The following LEO1 variants were observed in gnomAD, a reference collection of about 807,000 sequenced individuals.
LEO1 encodes the protein RNA polymerase-associated protein LEO1.
A neutral mutation model predicts 80.4 loss-of-function variants in LEO1; 34 were observed. The observed-to-expected ratio is 0.42, with a 90% confidence interval of 0.32 to 0.56. LEO1 has a LOEUF of 0.56. Ranked by LOEUF, LEO1 falls within the 20% of genes least tolerant of loss-of-function variation. The probability of loss-of-function intolerance (pLI) is 0.10; values close to 1 mark genes in which losing one functional copy is unlikely to be tolerated. For missense variants in LEO1, 631 were observed against 814.2 expected (o/e 0.77, Z 2.74); for synonymous variants, 262 against 274.9 (o/e 0.95, Z 0.46).
At chr15:51,969,554 G>T (rs918554596) in intron 1 of LEO1, among the ~76,000 whole-genome samples, 2 of 151,092 alleles carry the variant, frequency 1.3e-5, no homozygotes, top group Non-Finnish European at 2.9e-5. Context: ...AGAATCACTT[G>T]AACCCAGGAG....
At chr15:51,966,833 C>G (rs187791547) in intron 1 of LEO1, among the ~76,000 whole-genome samples, 192 of 151,926 alleles carry the variant, frequency 1.3e-3, no homozygotes, top group African/African-American at 4.3e-3. Context: ...ATCACTTGAA[C>G]CCGGGAGGCA....
intron 6 of LEO1, among the ~76,000 whole-genome samples, chr15:51,957,713 T>C (rs2057000232): frequency 6.6e-6 from 1 of 152,132 alleles, no homozygotes; most frequent in South Asian, 2.1e-4. Flanking sequence ...AGACTATCCC[T>C]TTCTAACAAT....
Position 51,971,636 on chromosome 15 carries a change from C to A in LEO1, c.58+52G>T. 3.1e-6 allele frequency: 5 copies of A among 1,587,548 alleles called. No individual in the cohort carries two copies. The South Asian group carries it at 5.5e-5, about 18-fold the overall frequency. ...TGGAGCCTCCACGGTTGTCCGGCTC[C>A]CACAGCGGAAGGCCTGCCACGCACC... is the stretch of plus-strand genomic sequence containing the variant. On this transcript the variant is annotated intron_variant, in intron 1 of 11. Transcript: ENST00000299601.
At position 51,960,189 on chromosome 15, in the gene LEO1, C is replaced by T. The variant is rs1055599500; in HGVS notation, c.1015-145G>A. The T allele has an allele frequency of 3.9e-5, 23 of 582,372 alleles. No individual in the cohort carries two copies. The African/African-American group carries it at 4.0e-4, about 10-fold the overall frequency. The allele number at this position is 582,372 out of a possible 1,614,324, so 36.1% of individuals were successfully genotyped here. On this transcript the variant is annotated intron_variant, in intron 4 of 11. Coordinates refer to ENST00000299601, the MANE Select transcript of LEO1 (RefSeq NM_138792.4). ...AGAAGTCCCCAGTCCCCATCCCAAC[C>T]CACCTACACACAAAATGGGAAACGA...
chr15:51,965,853 A>C lies in LEO1; in HGVS notation c.710T>G (p.Leu237Arg), dbSNP rs2057070492. 4 of 1,613,940 alleles carry C rather than the reference A, an allele frequency of 2.5e-6. No individual in the cohort carries two copies. The highest frequency in any genetic ancestry group is 3.4e-6 in the Non-Finnish European group (4 of 1,180,002). Residue 237 changes from leucine (L) to arginine (R), a missense_variant, in exon 2 of 12, where the codon CTG (leucine) becomes CGG (arginine). By Grantham distance (102) the Leu-to-Arg change is moderately radical. This residue lies in a region of LEO1 where 394 missense variants were observed against 395.6 expected (regional missense o/e 1.00). Coordinates refer to ENST00000299601, the MANE Select transcript of LEO1 (RefSeq NM_138792.4). The part of the protein sequence containing the change: ...QNSDDEEQPQ[L>R]SDEEKMQNSD... ...ATTTTGCATTTTCTCTTCATCAGAC[A>C]GCTGTGGTTGTTCTTCATCATCAGA... is the stretch of plus-strand genomic sequence containing the variant.
rs116808659 is a variant in LEO1, at chr15:51,962,485, T to C, written c.823A>G (p.Arg275Gly). ...EEQDHKSESA[R>G]GSDSEDEVLR... ...ACTTCATCTTCACTATCACTGCCTC[T>C]TGCAGATTCTATAAGGGTAGAATTA... Residue 275 changes from arginine (R) to glycine (G), a missense_variant, in exon 3 of 12, where the codon AGA becomes GGA. Physicochemically the swap from Arg to Gly is moderately radical, Grantham distance 125. This residue lies in a region of LEO1 where 394 missense variants were observed against 395.6 expected (regional missense o/e 1.00). Transcript: ENST00000299601. 3.1e-3 allele frequency: 5,017 copies of C among 1,608,100 alleles called. 53 individuals carry two copies. Among genetic ancestry groups the C allele is most frequent in the East Asian group, 0.026 (1,152 of 44,828 alleles).
intron 1 of LEO1, among the ~76,000 whole-genome samples, chr15:51,967,377 A>G (rs2470607): frequency 0.45 from 68,162 of 152,064 alleles, 15,463 homozygotes; most frequent in Admixed American, 0.53. Context: ...AGAGGCTGAA[A>G]CAGGAAAATC....
intron 9 of LEO1, among the ~76,000 whole-genome samples, chr15:51,950,663 T>G (rs1420214102): frequency 6.6e-6 from 1 of 152,260 alleles, no homozygotes; most frequent in Non-Finnish European, 1.5e-5. Context: ...CGTTGCTCTG[T>G]ATTATCATAT....
chr15:51,943,267 T>C (rs892092100), intron 11 of LEO1, among the ~76,000 whole-genome samples: 1 of 151,154 alleles, frequency 6.6e-6, no homozygotes, highest in African/African-American at 2.4e-5. Context: ...TAATCCCAGA[T>C]ACTTGGGAGG....
At chr15:51,952,467 G>T (rs925388619) in intron 8 of LEO1, among the ~76,000 whole-genome samples, 8 of 152,088 alleles carry the variant, frequency 5.3e-5, no homozygotes, top group Non-Finnish European at 1.2e-4. Context: ...TCCAAAGCCT[G>T]TATGTTAACC....
At chr15:51,968,311 G>A (rs528584373) in intron 1 of LEO1, among the ~76,000 whole-genome samples, 3 of 152,242 alleles carry the variant, frequency 2.0e-5, no homozygotes, top group Non-Finnish European at 4.4e-5. Context: ...AGGAGCCCAA[G>A]GTGGGAAGAT....
At chr15:51,960,396 G>A (rs1213035701) in intron 4 of LEO1, among the ~76,000 whole-genome samples, 2 of 152,082 alleles carry the variant, frequency 1.3e-5, no homozygotes, top group Non-Finnish European at 2.9e-5. Context: ...CAAGTCAATG[G>A]TTCTCAAATC....
intron 11 of LEO1, among the ~76,000 whole-genome samples, chr15:51,941,896 T>G (rs997675330): frequency 4.6e-5 from 7 of 152,196 alleles, no homozygotes; most frequent in Admixed American, 4.6e-4. Flanking sequence ...GAAATAGAGA[T>G]ATGAGATGAC....
At position 51,971,652 on chromosome 15, in the gene LEO1, G is replaced by GCCACGCAC. The variant is rs745955815; in HGVS notation, c.58+28_58+35dup. On this transcript the variant is annotated intron_variant, in intron 1 of 11. Transcript: ENST00000299601. ...GTCCGGCTCCCACAGCGGAAGGCCT[G>GCCACGCAC]CCACGCACCCATCCTCCGAAGACCA... 2.2e-5 allele frequency: 35 copies of GCCACGCAC among 1,608,530 alleles called. 1 individual carries two copies. In the South Asian group the frequency reaches 3.3e-4, roughly 15 times the overall value.
At chr15:51,950,252 G>A (rs1294085551) in intron 9 of LEO1, among the ~76,000 whole-genome samples, 1 of 152,176 alleles carries the variant, frequency 6.6e-6, no homozygotes, top group African/African-American at 2.4e-5. Flanking sequence ...TGTGTCCTCG[G>A]GAGCTGTGCT....
In LEO1 at chr15:51,960,623, T is replaced by G; in HGVS notation, c.1014+16A>C. ...ATGCCTGGCCTTGAATAAGTTCATG[T>G]TACTAACTGACTTACAACAGGCTGT... On this transcript the variant is annotated intron_variant, in intron 4 of 11. Transcript: ENST00000299601. 2 of 1,439,034 alleles carry G rather than the reference T, an allele frequency of 1.4e-6. No homozygotes were observed. Among genetic ancestry groups the G allele is most frequent in the Non-Finnish European group, 2.0e-6 (2 of 1,020,454 alleles). The allele number at this position is 1,439,034 out of a possible 1,614,324, so 89.1% of individuals were successfully genotyped here.
intron 11 of LEO1, among the ~76,000 whole-genome samples, chr15:51,938,568 T>C (rs1450109983): frequency 6.6e-6 from 1 of 152,222 alleles, no homozygotes; most frequent in African/African-American, 2.4e-5. Context: ...GATCAGGTAA[T>C]TTCTCAAATT....
intron 11 of LEO1, among the ~76,000 whole-genome samples, chr15:51,942,782 C>T (rs1336948321): frequency 1.3e-5 from 2 of 151,822 alleles, no homozygotes; most frequent in African/African-American, 4.8e-5. Context: ...ATTAGCTGGG[C>T]GTGGTGGCAG....
chr15:51,947,189 T>C, intron 11 of LEO1, 103 bp downstream of exon 11: 4 of 780,948 alleles, frequency 5.1e-6, no homozygotes, highest in Non-Finnish European at 6.9e-6. Flanking sequence ...GTGACGTGTG[T>C]AGACAACTAA....
Sources: gnomAD v4.1 joint callset for allele counts (sites outside exome capture counted in the v4.1 genomes callset) on GRCh38, gnomAD v4.1.1 for gene constraint, gnomAD v4.1.1 regional missense constraint, MANE v1.5 for transcripts, NCBI Gene and HGNC (gene_info 2026-07-23, HGNC 2026-07-21) for gene names.